HECW2: variants seen among roughly 807,000 people sequenced by gnomAD.
HECW2 encodes E3 ubiquitin-protein ligase HECW2.
HECW2 carries 61 observed loss-of-function variants against 175.2 expected under a neutral mutation model. The ratio of observed to expected loss-of-function variants is 0.35; its 90% CI spans 0.28 to 0.43. HECW2 has a LOEUF of 0.43. HECW2 is among the 20% of genes least tolerant of loss of function. The pLI is 1.00. For missense variants in HECW2, 1,524 were observed against 2,000.5 expected, an observed-to-expected ratio of 0.76 and a Z score of 4.54; for synonymous variants, 671 against 731.0, an observed-to-expected ratio of 0.92 and a Z score of 1.32.
rs1048076508 is a variant in HECW2 at position 196,319,218 on chromosome 2, G to A, written c.1672C>T (p.Pro558Ser). ...TCAGCACTGCCCTGGTCAGCACTGG[G>A]TTGAGGCTCTGGGCCGCCTTCACCT... ...EEGEGGPEPQPSADQGSAELC... is the reference protein window; with the variant it reads ...EEGEGGPEPQSSADQGSAELC... The change falls in exon 9 of 29, where the codon CCC becomes TCC. Residue 558 changes from proline (P) to serine (S), a missense_variant. By Grantham distance (74) the Pro-to-Ser change is moderately conservative (BLOSUM62 -1). Around this residue, in one of 11 missense-constraint regions of HECW2, gnomAD observed 604 missense variants for 588.3 expected, o/e 1.03. Coordinates refer to ENST00000644978, the MANE Select transcript of HECW2 (RefSeq NM_001348768.2). The A allele has an allele frequency of 4.4e-6, 7 of 1,597,924 alleles. No individual in the cohort carries two copies. The Admixed American group carries it at 8.5e-5, about 19-fold the overall frequency.
chr2:196,257,290 T>C (rs1575307516), intron 18 of HECW2, among the ~76,000 whole-genome samples: 1 of 150,532 alleles, frequency 6.6e-6, no homozygotes, highest in African/African-American at 2.5e-5. Flanking sequence ...GGGGCGGGGG[T>C]GAAAATAATT....
At chr2:196,538,790 GA>G (rs1407357354) in intron 1 of HECW2, among the ~76,000 whole-genome samples, 1 of 152,132 alleles carries the variant, frequency 6.6e-6, no homozygotes, top group African/African-American at 2.4e-5. Flanking sequence ...CCAGTGATAA[GA>G]AAGGCCAGCT....
At position 196,199,733 on chromosome 2, in the gene HECW2, A is replaced by G. The variant is rs1686796516; in HGVS notation, c.*1544T>C. On this transcript the variant is annotated 3_prime_UTR_variant, in exon 29 of 29. Coordinates refer to ENST00000644978, the MANE Select transcript of HECW2 (RefSeq NM_001348768.2). ...TTGAAAATCTGATTAGTCAAGAAAT[A>G]AACAAAGATGTGGAGTAATCCCAAA... is the stretch of plus-strand genomic sequence containing the variant. 1 of 152,200 alleles carries G rather than the reference A, an allele frequency of 6.6e-6. No homozygotes were observed. The highest frequency in any genetic ancestry group is 1.5e-5 in the Non-Finnish European group (1 of 68,010). The allele number at this position is 152,200 out of a possible 1,614,324, so 9.4% of individuals were successfully genotyped here. A position where few individuals can be genotyped will look rare whatever the true frequency, so the allele number is the denominator to read the frequency against.
intron 1 of HECW2, among the ~76,000 whole-genome samples, chr2:196,533,469 G>T (rs77442370): frequency 0.084 from 12,460 of 148,528 alleles, 577 homozygotes; most frequent in Middle Eastern, 0.13. Flanking sequence ...ATCTTTTTTT[G>T]TGTGTGTGGG....
intron 2 of HECW2, among the ~76,000 whole-genome samples, chr2:196,345,497 C>T (rs986036799): frequency 1.3e-5 from 2 of 152,212 alleles, no homozygotes; most frequent in Admixed American, 6.5e-5. Context: ...AAAGGACAAA[C>T]TCAACATCCT....
intron 28 of HECW2, among the ~76,000 whole-genome samples, chr2:196,202,368 G>T (rs1336314153): frequency 6.6e-6 from 1 of 152,126 alleles, no homozygotes. Flanking sequence ...GCAGTGTAAT[G>T]TAGTGGGAAG....
intron 1 of HECW2, among the ~76,000 whole-genome samples, chr2:196,519,932 G>A (rs1419532769): frequency 6.6e-6 from 1 of 152,182 alleles, no homozygotes; most frequent in African/African-American, 2.4e-5. Flanking sequence ...CCACACTAGT[G>A]ATGGTAATCA....
At chr2:196,293,212 G>C (rs4850393) in intron 13 of HECW2, among the ~76,000 whole-genome samples, 124,274 of 152,140 alleles carry the variant, frequency 0.82, 51,443 homozygotes, top group Admixed American at 0.87. Context: ...TCCATGTGTT[G>C]TCATTTTTCA....
chr2:196,427,283 T>C (rs565891917), intron 2 of HECW2, among the ~76,000 whole-genome samples: 2 of 150,048 alleles, frequency 1.3e-5, no homozygotes, highest in African/African-American at 4.9e-5. Flanking sequence ...TAGCATAGTA[T>C]ACACTTTTAC....
chr2:196,331,282 C>G, intron 4 of HECW2: 1 of 984,904 alleles, frequency 1.0e-6, no homozygotes, highest in South Asian at 4.7e-5. Flanking sequence ...ACTCCTCTGA[C>G]TCAGCGTTTC....
intron 2 of HECW2, among the ~76,000 whole-genome samples, chr2:196,348,375 G>T (rs1168928841): frequency 6.6e-6 from 1 of 152,022 alleles, no homozygotes; most frequent in Non-Finnish European, 1.5e-5. Flanking sequence ...AGGTGCAGTG[G>T]GTCATGCCTG....
intron 3 of HECW2, among the ~76,000 whole-genome samples, chr2:196,339,125 A>G (rs1443147852): frequency 6.6e-6 from 1 of 152,232 alleles, no homozygotes; most frequent in East Asian, 1.9e-4. Context: ...GGGGATGAAA[A>G]GCATTAAATC....
chr2:196,410,850 G>GC (rs1232840640), intron 2 of HECW2, among the ~76,000 whole-genome samples: 1 of 152,112 alleles, frequency 6.6e-6, no homozygotes, highest in Non-Finnish European at 1.5e-5. Context: ...AGTCCACAGA[G>GC]CACAGTAGAA....
chr2:196,286,674 G>A (rs1048749213), intron 14 of HECW2, among the ~76,000 whole-genome samples: 6 of 152,058 alleles, frequency 3.9e-5, no homozygotes, highest in African/African-American at 1.4e-4. Flanking sequence ...TAAAAACCAT[G>A]TGCTATCTAT....
rs563223795 is a variant in HECW2, at chr2:196,322,630, C to G, written c.742-10G>C. On this transcript the variant is annotated splice_polypyrimidine_tract_variant and intron_variant, in intron 6 of 28. Transcript: ENST00000644978. ...CAAAAAAGGAATATTTCTGAAAACACAAACAGATAACATGCTGGTTTAAAA... is the reference window on the plus strand; with the variant it reads ...CAAAAAAGGAATATTTCTGAAAACAGAAACAGATAACATGCTGGTTTAAAA... 3.1e-6 allele frequency: 5 copies of G among 1,606,570 alleles called. No homozygotes were observed. In the African/African-American group the frequency reaches 6.7e-5, roughly 21 times the overall value.
chr2:196,484,079 G>A (rs1686925654), intron 1 of HECW2, among the ~76,000 whole-genome samples: 1 of 152,094 alleles, frequency 6.6e-6, no homozygotes, highest in African/African-American at 2.4e-5. Context: ...CAAAAATTTG[G>A]GTAAGTTTCC....
At chr2:196,547,611 A>C (rs937721475) in intron 1 of HECW2, among the ~76,000 whole-genome samples, 8 of 152,190 alleles carry the variant, frequency 5.3e-5, no homozygotes, top group Admixed American at 2.6e-4. Context: ...GTGGATATAG[A>C]TTCAGGTGCC....
At chr2:196,554,167 A>T (rs1689708535) in intron 1 of HECW2, among the ~76,000 whole-genome samples, 1 of 152,112 alleles carries the variant, frequency 6.6e-6, no homozygotes, top group Admixed American at 6.5e-5. Flanking sequence ...TCTACTAAAA[A>T]TACAAAAAAT....
chr2:196,469,101 C>CTGTGTGTGTG (rs150802425), intron 1 of HECW2, among the ~76,000 whole-genome samples: 6 of 130,780 alleles, frequency 4.6e-5, no homozygotes, highest in African/African-American at 1.6e-4. Context: ...GTCACTGAAC[C>CTGTGTGTGTG]TGTGTGTGTG....
Sources: gnomAD v4.1 joint callset for allele counts (sites outside exome capture counted in the v4.1 genomes callset) on GRCh38, gnomAD v4.1.1 for gene constraint, gnomAD v4.1.1 regional missense constraint, MANE v1.5 for transcripts, NCBI Gene and HGNC (gene_info 2026-07-23, HGNC 2026-07-21) for gene names.